TMTC4: variants seen among roughly 807,000 people sequenced by gnomAD.
TMTC4 encodes the protein protein O-mannosyl-transferase TMTC4.
In TMTC4, 65 loss-of-function variants were observed where a neutral mutation model predicts 86.0. That is an observed-to-expected ratio of 0.76 (90% CI 0.62 to 0.93). TMTC4 has a LOEUF of 0.93. Ranked by LOEUF, TMTC4 falls within the 40% of genes least tolerant of loss-of-function variation. The pLI is 0.00. For missense variants in TMTC4, 866 were observed against 948.1 expected, an observed-to-expected ratio of 0.91 and a Z score of 1.14; for synonymous variants, 379 against 382.5, an observed-to-expected ratio of 0.99 and a Z score of 0.11.
At chr13:100,634,691 T>G (rs1006480717) in intron 12 of TMTC4, 114 bp downstream of exon 12, 24 of 1,291,658 alleles carry the variant, frequency 1.9e-5, no homozygotes, top group Non-Finnish European at 2.3e-5. Flanking sequence ...AACCCAAGTA[T>G]TCGGTCATGG....
chr13:100,622,375 A>G (rs1170896405), intron 15 of TMTC4, among the ~76,000 whole-genome samples: 1 of 152,148 alleles, frequency 6.6e-6, no homozygotes, highest in Non-Finnish European at 1.5e-5. Context: ...GAGTAATAAA[A>G]ATGCGGTGAT....
intron 15 of TMTC4, chr13:100,625,088 A>C (rs1254323705): frequency 6.2e-6 from 1 of 161,704 alleles, no homozygotes; most frequent in Non-Finnish European, 1.4e-5. Flanking sequence ...TTTTGGGGGA[A>C]ATGCTCCCTG....
In TMTC4 at chr13:100,637,592, C is replaced by T. The variant is rs757986739; in HGVS notation, c.945G>A (p.Pro315=). 10 of 1,614,112 alleles carry T rather than the reference C, an allele frequency of 6.2e-6. No individual in the cohort carries two copies. Among genetic ancestry groups the T allele is most frequent in the Non-Finnish European group, 8.5e-6 (10 of 1,180,024 alleles). The change falls in exon 9 of 19, where the codon CCG becomes CCA. Residue 315 remains proline, a synonymous_variant. Coordinates refer to ENST00000342624, the MANE Select transcript of TMTC4 (RefSeq NM_032813.5). ...CCGGGTTGTCCACCTCGGTGAAGGCCGGCGGGCCCGTGCCCATGATCCTCC... is the reference window on the plus strand; with the variant it reads ...CCGGGTTGTCCACCTCGGTGAAGGCTGGCGGGCCCGTGCCCATGATCCTCC... ...VRWRIMGTGP[P]AFTEVDNPAS...
chr13:100,635,347 A>G, intron 10 of TMTC4, 152 bp from the exon 11 acceptor site: 2 of 898,724 alleles, frequency 2.2e-6, no homozygotes, highest in Non-Finnish European at 3.2e-6. Context: ...TATCATCAGT[A>G]GAGACAGTTT....
At chr13:100,664,379 T>C (rs1254968781) in intron 3 of TMTC4, 43 bp from the exon 4 acceptor site, 2 of 1,491,394 alleles carry the variant, frequency 1.3e-6, no homozygotes, top group Non-Finnish European at 1.8e-6. Context: ...GGGTCTCCCA[T>C]CAGCCCTAAG....
At chr13:100,621,700 C>T (rs997074893) in intron 15 of TMTC4, among the ~76,000 whole-genome samples, 9 of 152,220 alleles carry the variant, frequency 5.9e-5, no homozygotes, top group African/African-American at 1.9e-4. Context: ...GCTGGGATTA[C>T]AGGCGTGAGC....
intron 1 of TMTC4, among the ~76,000 whole-genome samples, chr13:100,670,945 C>A (rs1360294484): frequency 6.6e-6 from 1 of 152,174 alleles, no homozygotes. Context: ...CAGAGTGAGA[C>A]CCTGTCTCAA....
At chr13:100,661,176 T>C (rs1285740470) in intron 5 of TMTC4, among the ~76,000 whole-genome samples, 1 of 152,214 alleles carries the variant, frequency 6.6e-6, no homozygotes, top group Non-Finnish European at 1.5e-5. Context: ...CTCCCTTTTC[T>C]CCTAGAGCTA....
rs561954509 is a variant in TMTC4, at chr13:100,648,364, T to C, written c.641-6053A>G. 2.0e-5 allele frequency among the ~76,000 whole-genome samples: 3 copies of C among 152,372 alleles called. No individual in the cohort carries two copies. The South Asian group carries it at 6.2e-4, about 32-fold the overall frequency. ...ATGTGAACATTTTCATATTTTTATA[T>C]TGATTATATGTTGGAATTATAATTT... On this transcript the variant is annotated intron_variant, in intron 6 of 18. Coordinates refer to ENST00000342624, the MANE Select transcript of TMTC4 (RefSeq NM_032813.5).
intron 6 of TMTC4, among the ~76,000 whole-genome samples, chr13:100,647,339 G>A (rs867125642): frequency 6.6e-6 from 1 of 152,122 alleles, no homozygotes; most frequent in South Asian, 2.1e-4. Flanking sequence ...GCCATGGCCG[G>A]GCTCCATCCA....
intron 6 of TMTC4, among the ~76,000 whole-genome samples, chr13:100,654,624 C>A (rs1464642401): frequency 6.6e-6 from 1 of 151,606 alleles, no homozygotes; most frequent in African/African-American, 2.4e-5. Flanking sequence ...TGAATTAAAA[C>A]AGAAAAAAGA....
chr13:100,664,492 C>T (rs1237730321), intron 3 of TMTC4, among the ~76,000 whole-genome samples, 156 bp from the exon 4 acceptor site: 2 of 152,134 alleles, frequency 1.3e-5, no homozygotes, highest in Non-Finnish European at 1.5e-5. Flanking sequence ...CACATGGGCT[C>T]ACCCCACCAG....
At chr13:100,619,300 C>T (rs1879101898) in intron 15 of TMTC4, among the ~76,000 whole-genome samples, 1 of 150,852 alleles carries the variant, frequency 6.6e-6, no homozygotes, top group South Asian at 2.1e-4. Context: ...AAATGGCTAG[C>T]TCTCAATTTG....
intron 2 of TMTC4, 26 bp from the exon 3 acceptor site, chr13:100,668,820 A>T: frequency 6.2e-7 from 1 of 1,610,734 alleles, no homozygotes; most frequent in Non-Finnish European, 8.5e-7. Flanking sequence ...CACTGTATAA[A>T]TATTCATCAA....
chr13:100,632,015 C>CCACACACACACACACACACACA (rs60522457), intron 12 of TMTC4, among the ~76,000 whole-genome samples: 6 of 99,382 alleles, frequency 6.0e-5, no homozygotes, highest in African/African-American at 2.5e-4. Flanking sequence ...TAAGAGGAAA[C>CCACACACACACACACACACACA]CACACACACA....
At chr13:100,625,198 T>C (rs1204090718) in intron 15 of TMTC4, 9 of 287,870 alleles carry the variant, frequency 3.1e-5, no homozygotes, top group Non-Finnish European at 5.4e-5. Flanking sequence ...TCAATTCTTG[T>C]TTTAAAAACA....
chr13:100,630,345 A>G (rs1172398899), intron 12 of TMTC4, among the ~76,000 whole-genome samples: 1 of 152,186 alleles, frequency 6.6e-6, no homozygotes, highest in Non-Finnish European at 1.5e-5. Flanking sequence ...CTCTGATGAA[A>G]GGACTCACAA....
intron 12 of TMTC4, among the ~76,000 whole-genome samples, chr13:100,632,861 C>A (rs1186492269): frequency 6.6e-6 from 1 of 152,200 alleles, no homozygotes; most frequent in African/African-American, 2.4e-5. Flanking sequence ...ATCTAGGCAG[C>A]TCTTATGCTG....
At chr13:100,633,342 A>G (rs1479830102) in intron 12 of TMTC4, among the ~76,000 whole-genome samples, 1 of 126,790 alleles carries the variant, frequency 7.9e-6, no homozygotes, top group East Asian at 2.5e-4. Flanking sequence ...AAAAAAAAAA[A>G]GCTAACACTT....
Sources: allele counts gnomAD v4.1 joint callset (sites outside exome capture counted in the v4.1 genomes callset), GRCh38; gene constraint gnomAD v4.1.1; transcripts MANE v1.5; gene names NCBI Gene and HGNC (gene_info 2026-07-23, HGNC 2026-07-21).